KRI1: variants seen among roughly 807,000 people sequenced by gnomAD.
KRI1 encodes the protein KRI1 homolog, also known as protein KRI1 homolog.
A neutral mutation model predicts 97.0 loss-of-function variants in KRI1; 83 were observed. That is an observed-to-expected ratio of 0.86 (90% CI 0.72 to 1.03). The LOEUF (loss-of-function observed/expected upper bound fraction) is 1.03, where lower values mean the gene tolerates loss of function less well. KRI1 is among the 50% of genes least tolerant of loss of function. The probability of loss-of-function intolerance (pLI) is 0.00; values close to 1 mark genes in which losing one functional copy is unlikely to be tolerated. For synonymous variants in KRI1, 371 were observed against 363.5 expected, an observed-to-expected ratio of 1.02 and a Z score of -0.23; for missense variants, 916 against 928.4, an observed-to-expected ratio of 0.99 and a Z score of 0.17.
chr19:10,557,978 G>A lies in KRI1; in HGVS notation c.1353C>T (p.Asn451=). 1 of 1,614,132 alleles carries A rather than the reference G, an allele frequency of 6.2e-7. No homozygotes were observed. The highest frequency in any genetic ancestry group is 2.2e-5 in the East Asian group (1 of 44,878). ...SQQELHCEDP[N]FNMDADYDPS... ...CTCAACCCGTGATACCTACGTTGAA[G>A]TTGGGGTCCTCACAGTGCAGCTCCT... The change falls in exon 14 of 19, where the codon AAC becomes AAT. Residue 451 remains asparagine, a synonymous_variant. Coordinates refer to ENST00000312962, the MANE Select transcript of KRI1 (RefSeq NM_023008.5).
At chr19:10,559,992 C>A in intron 9 of KRI1, 56 bp from the exon 10 acceptor site, 1 of 1,588,606 alleles carries the variant, frequency 6.3e-7, no homozygotes, top group Admixed American at 1.7e-5. Flanking sequence ...TCGAGCCCCC[C>A]TTTCCTGCAC....
In KRI1 at chr19:10,555,341, A is replaced by C; in HGVS notation, c.1626T>G (p.Ala542=). 1 of 1,611,538 alleles carries C rather than the reference A, an allele frequency of 6.2e-7. No individual in the cohort carries two copies. The highest frequency in any genetic ancestry group is 1.1e-5 in the South Asian group (1 of 90,910). ...ACCGGTTCAGCTCCTTATCGTCAGC[A>C]GCGAGGATCTGCGTGGGAAGGGAGA... ...DFGLSTEEIL[A]ADDKELNRWC... Residue 542 remains alanine, a synonymous_variant, in exon 17 of 19, where the codon GCT becomes GCG. Coordinates refer to ENST00000312962, the MANE Select transcript of KRI1 (RefSeq NM_023008.5).
At chr19:10,557,299 G>A (rs934474932) in intron 16 of KRI1, among the ~76,000 whole-genome samples, 3 of 151,944 alleles carry the variant, frequency 2.0e-5, no homozygotes, top group African/African-American at 7.2e-5. Context: ...TAGAGACGGA[G>A]TTTCACCACG....
At chr19:10,554,701 A>T (rs1203298953) in intron 18 of KRI1, among the ~76,000 whole-genome samples, 2 of 152,016 alleles carry the variant, frequency 1.3e-5, no homozygotes, top group Non-Finnish European at 2.9e-5. Context: ...TGGAGCACAC[A>T]CCTGGCCTCA....
chr19:10,560,429 C>T lies in KRI1; in HGVS notation c.683G>A (p.Trp228Ter), dbSNP rs1916660331. ...CCCTTCATCCAACTCAGGGTCGTTC[C>T]AGTATTCCTTGAGATGCGTCTGGGG... ...LKELTHLKEYWNDPELDEGER... is the reference protein window; with the variant it reads ...LKELTHLKEY Residue 228 changes from tryptophan to a stop codon, truncating the protein, a stop_gained, in exon 9 of 19, where the codon TGG becomes TAG. Coordinates refer to ENST00000312962, the MANE Select transcript of KRI1 (RefSeq NM_023008.5). LOFTEE classifies it high-confidence loss of function. 6.2e-7 allele frequency: 1 copy of T among 1,612,912 alleles called. No homozygotes were observed. The highest frequency in any genetic ancestry group is 1.1e-5 in the South Asian group (1 of 90,932).
In KRI1 at chr19:10,566,001, G is replaced by T. The variant is rs1432993728; in HGVS notation, c.-2C>A. On this transcript the variant is annotated 5_prime_UTR_variant, in exon 1 of 19. Transcript: ENST00000312962. ...CGACGACCCGCGCGGTTCCGGCATG[G>T]CGGTTCTGTGGCCCATTGCGCACGC... The T allele has an allele frequency of 5.3e-6, 8 of 1,518,638 alleles. No individual in the cohort carries two copies. The South Asian group carries it at 8.5e-5, about 16-fold the overall frequency. 94.1% of individuals were successfully genotyped at this position (1,518,638 alleles called of 1,614,324 possible).
intron 16 of KRI1, 128 bp from the exon 17 acceptor site, chr19:10,555,477 G>T: frequency 2.1e-6 from 2 of 941,078 alleles, no homozygotes; most frequent in Non-Finnish European, 1.7e-6. Flanking sequence ...ATGATGGCCA[G>T]AGACAGCTGA....
At chr19:10,555,051 C>T in intron 18 of KRI1, 36 bp downstream of exon 18, 1 of 1,554,962 alleles carries the variant, frequency 6.4e-7, no homozygotes, top group Non-Finnish European at 8.9e-7. Context: ...GCCTGACAGG[C>T]TCCCCACCCA....
At position 10,559,478 on chromosome 19, in the gene KRI1, T is replaced by C. The variant is rs1298079995; in HGVS notation, c.1075A>G (p.Lys359Glu). The C allele has an allele frequency of 6.2e-7, 1 of 1,613,924 alleles. No individual in the cohort carries two copies. The highest frequency in any genetic ancestry group is 8.5e-7 in the Non-Finnish European group (1 of 1,180,018). ...ELKQLKNLKR[K>E]EILAKLEKLR... ...TTCTCCAGCTTGGCCAGAATCTCCT[T>C]CCTCTTCAGGTTCTTCAGCTGCTTG... The change falls in exon 12 of 19, where the codon AAG becomes GAG. Residue 359 changes from lysine to glutamate, a missense_variant. Transcript: ENST00000312962.
In KRI1 at chr19:10,553,206, G is replaced by T. The variant is rs933173964; in HGVS notation, c.*745C>A. On this transcript the variant is annotated 3_prime_UTR_variant, in exon 19 of 19. Transcript: ENST00000312962. ...CAAGCCCAGCTGCAACCAGTCTGGG[G>T]CCATTCAGCCAGGGACAGAGCCCAC... 3.8e-5 allele frequency: 42 copies of T among 1,102,224 alleles called. No homozygotes were observed. Among genetic ancestry groups the T allele is most frequent in the Admixed American group, 2.8e-4 (10 of 36,024 alleles). 68.3% of individuals were successfully genotyped at this position (1,102,224 alleles called of 1,614,324 possible).
intron 5 of KRI1, 23 bp downstream of exon 5, chr19:10,561,768 G>A (rs761532983): frequency 3.8e-5 from 61 of 1,602,074 alleles, no homozygotes; most frequent in Admixed American, 1.0e-4. Context: ...TCAGCCCCCC[G>A]ACCCAGCCTT....
At chr19:10,559,988 C>G in intron 9 of KRI1, 52 bp from the exon 10 acceptor site, 1 of 1,593,430 alleles carries the variant, frequency 6.3e-7, no homozygotes, top group Middle Eastern at 2.2e-4. Flanking sequence ...GAGGTCGAGC[C>G]CCCCTTTCCT....
At chr19:10,554,372 A>AGG (rs1327264106) in intron 18 of KRI1, 91 bp from the exon 19 acceptor site, 2 of 1,174,978 alleles carry the variant, frequency 1.7e-6, no homozygotes, top group Non-Finnish European at 2.5e-6. Context: ...CAGGGAAAGG[A>AGG]GGGGCATAGT....
rs765639412 is a variant in KRI1 at position 10,559,916 on chromosome 19, T to C, written c.821A>G (p.Gln274Arg). 1 of 1,612,374 alleles carries C rather than the reference T, an allele frequency of 6.2e-7. No individual in the cohort carries two copies. The highest frequency in any genetic ancestry group is 1.7e-5 in the Admixed American group (1 of 60,012). ...EEEGVHGPPV[Q>R]LAVDDSSDEG... ...GTCTGAGGAGTCGTCCACAGCCAGC[T>C]GGACTGGGGGACCGTGGACCCTGAG... is the stretch of plus-strand genomic sequence containing the variant. The change falls in exon 10 of 19, where the codon CAG becomes CGG. Residue 274 changes from glutamine (Q) to arginine (R), a missense_variant. By Grantham distance (43) the Gln-to-Arg change is conservative. Coordinates refer to ENST00000312962, the MANE Select transcript of KRI1 (RefSeq NM_023008.5).
intron 9 of KRI1, 87 bp downstream of exon 9, chr19:10,560,225 T>C (rs1916649722): frequency 2.0e-5 from 29 of 1,473,238 alleles, no homozygotes; most frequent in Non-Finnish European, 2.5e-5. Flanking sequence ...ACACACATGG[T>C]GCCCTCTGCC....
At chr19:10,564,661 A>C (rs971897682) in intron 3 of KRI1, among the ~76,000 whole-genome samples, 9 of 152,114 alleles carry the variant, frequency 5.9e-5, no homozygotes, top group Non-Finnish European at 1.2e-4. Context: ...CATTAACTCC[A>C]CCACCAGGTA....
rs1346619437 is a variant in KRI1, at chr19:10,559,900, G to A, written c.837C>T (p.Asp279=). The change falls in exon 10 of 19, where the codon GAC becomes GAT. Residue 279 remains aspartate (D), a synonymous_variant. Coordinates refer to ENST00000312962, the MANE Select transcript of KRI1 (RefSeq NM_023008.5). ...HGPPVQLAVD[D]SSDEGELFLK... is the part of the protein sequence containing the mutation. ...GAAACAGCTCCCCTTCGTCTGAGGAGTCGTCCACAGCCAGCTGGACTGGGG... is the reference window on the plus strand; with the variant it reads ...GAAACAGCTCCCCTTCGTCTGAGGAATCGTCCACAGCCAGCTGGACTGGGG... 2 of 1,612,746 alleles carry A rather than the reference G, an allele frequency of 1.2e-6. No individual in the cohort carries two copies. Among genetic ancestry groups the A allele is most frequent in the African/African-American group, 2.7e-5 (2 of 74,854 alleles).
intron 8 of KRI1, among the ~76,000 whole-genome samples, chr19:10,560,751 G>A (rs1387074546): frequency 6.6e-6 from 1 of 152,004 alleles, no homozygotes; most frequent in African/African-American, 2.4e-5. Context: ...TTTTTTTGTA[G>A]AGCCATTTTG....
At chr19:10,560,018 G>C (rs185778842) in intron 9 of KRI1, 82 bp from the exon 10 acceptor site, 1 of 1,509,060 alleles carries the variant, frequency 6.6e-7, no homozygotes, top group Non-Finnish European at 9.0e-7. Context: ...GGTACGAAGC[G>C]TATGAACTCA....
Sources: gnomAD v4.1 joint callset for allele counts (sites outside exome capture counted in the v4.1 genomes callset) on GRCh38, gnomAD v4.1.1 for gene constraint, MANE v1.5 for transcripts, NCBI Gene and HGNC (gene_info 2026-07-23, HGNC 2026-07-21) for gene names.